The following PTPRD variants were observed in gnomAD, a reference collection of about 807,000 sequenced individuals.
The protein encoded by PTPRD is protein tyrosine phosphatase receptor type D.
Under a neutral mutation model 214.5 loss-of-function variants are expected in PTPRD, and 34 were observed. The observed-to-expected ratio is 0.16, with a 90% CI of 0.12 to 0.21. The LOEUF (loss-of-function observed/expected upper bound fraction) is 0.21, where lower values mean the gene tolerates loss of function less well. Among genes scored for constraint, PTPRD ranks in the 10% least tolerant of loss-of-function variants. The probability of loss-of-function intolerance (pLI) is 1.00; values close to 1 mark genes in which losing one functional copy is unlikely to be tolerated. For synonymous variants in PTPRD, 1,128 were observed against 845.7 expected (o/e 1.33, Z -5.79); for missense variants, 2,545 against 2,398.7 (o/e 1.06, Z -1.27).
intron 10 of PTPRD, among the ~76,000 whole-genome samples, chr9:9,165,308 C>T (rs1198623875): frequency 1.3e-5 from 2 of 152,090 alleles, no homozygotes; most frequent in African/African-American, 4.8e-5. Flanking sequence ...AGATGAATGT[C>T]AGGACTTCTT....
intron 3 of PTPRD, among the ~76,000 whole-genome samples, chr9:10,292,239 A>G (rs958392367): frequency 6.6e-6 from 1 of 152,034 alleles, no homozygotes; most frequent in South Asian, 2.1e-4. Flanking sequence ...CACTTCACCT[A>G]TAATCTGTCA....
intron 11 of PTPRD, chr9:8,858,268 C>G (rs986343936): frequency 8.5e-5 from 13 of 153,734 alleles, no homozygotes; most frequent in East Asian, 5.8e-4. Context: ...TCGGCTGCCC[C>G]CCTCGGTGCC....
At chr9:9,775,417 C>A (rs1367535469) in intron 5 of PTPRD, among the ~76,000 whole-genome samples, 2 of 152,106 alleles carry the variant, frequency 1.3e-5, no homozygotes, top group African/African-American at 4.8e-5. Context: ...AGTTATTTAA[C>A]CTGTTTGACC....
intron 5 of PTPRD, among the ~76,000 whole-genome samples, chr9:9,850,216 C>T (rs186417740): frequency 7.9e-5 from 12 of 152,206 alleles, no homozygotes; most frequent in South Asian, 2.1e-4. Context: ...AATACTGAAA[C>T]GCTAATCTTT....
At position 9,947,363 on chromosome 9, in the gene PTPRD, T is replaced by TAA. The variant is rs1566616524; in HGVS notation, c.-471-8754_-471-8753insTT. Among the ~76,000 whole-genome samples the TAA allele has an allele frequency of 1.2e-3, 50 of 43,018 alleles. 2 individuals are homozygous for TAA. In the East Asian group the frequency reaches 0.032, roughly 28 times the overall value. 28.2% of individuals were successfully genotyped at this position (43,018 alleles called of 152,430 possible). On this transcript the variant is annotated intron_variant, in intron 4 of 45. Coordinates refer to ENST00000381196, the MANE Select transcript of PTPRD (RefSeq NM_002839.4). ...ATATATATAATATATATTATATATATTATATATATATTATATATATTTTAT... is the reference window on the plus strand; with the variant it reads ...ATATATATAATATATATTATATATATAATATATATATATTATATATATTTTAT...
intron 2 of PTPRD, among the ~76,000 whole-genome samples, chr9:10,392,029 C>T (rs538807161): frequency 2.0e-5 from 3 of 151,740 alleles, no homozygotes; most frequent in Non-Finnish European, 2.9e-5. Context: ...TTCCCTACTA[C>T]GTTTTATTTT....
intron 5 of PTPRD, among the ~76,000 whole-genome samples, chr9:9,900,153 C>T (rs1320763309): frequency 2.0e-5 from 3 of 152,186 alleles, no homozygotes; most frequent in South Asian, 2.1e-4. Context: ...AACACTCCTT[C>T]CTTCCCTACC....
intron 8 of PTPRD, among the ~76,000 whole-genome samples, chr9:9,483,925 T>C (rs1376354918): frequency 6.6e-6 from 1 of 151,952 alleles, no homozygotes; most frequent in Non-Finnish European, 1.5e-5. Context: ...GTTTATGTTA[T>C]ATTATAAATG....
chr9:8,911,196 T>C lies in PTPRD; in HGVS notation c.-104+107501A>G, dbSNP rs145267860. Among the ~76,000 whole-genome samples, 249 of 152,340 alleles carry C rather than the reference T, an allele frequency of 1.6e-3. 1 individual carries two copies. Among genetic ancestry groups the C allele is most frequent in the African/African-American group, 4.9e-3 (203 of 41,580 alleles). ...CAACAAAGTTGAAGGATTTTCATTA[T>C]TGATTTAAGAACTTGCTATAAACAA... is the stretch of plus-strand genomic sequence containing the variant. On this transcript the variant is annotated intron_variant, in intron 11 of 45. Transcript: ENST00000381196.
chr9:8,887,758 T>C (rs1002586372), intron 11 of PTPRD, among the ~76,000 whole-genome samples: 2 of 152,172 alleles, frequency 1.3e-5, no homozygotes, highest in Admixed American at 6.5e-5. Flanking sequence ...AGTTTTCAAT[T>C]GTTGATATGT....
chr9:10,124,434 C>T (rs1471475136), intron 3 of PTPRD, among the ~76,000 whole-genome samples: 2 of 152,122 alleles, frequency 1.3e-5, no homozygotes, highest in African/African-American at 2.4e-5. Flanking sequence ...CATGCGTATT[C>T]ACCCCACATT....
chr9:8,391,990 G>A (rs187547058), intron 36 of PTPRD, among the ~76,000 whole-genome samples: 9 of 152,232 alleles, frequency 5.9e-5, no homozygotes, highest in Admixed American at 5.9e-4. Flanking sequence ...GGGGTAGGCT[G>A]CTACTGAATA....
At chr9:8,923,313 A>C (rs1008303411) in intron 11 of PTPRD, among the ~76,000 whole-genome samples, 1 of 152,006 alleles carries the variant, frequency 6.6e-6, no homozygotes. Context: ...AAGTGCTGGG[A>C]TTACAGGCAT....
At chr9:8,569,770 A>T (rs2090545931) in intron 14 of PTPRD, among the ~76,000 whole-genome samples, 1 of 147,950 alleles carries the variant, frequency 6.8e-6, no homozygotes, top group Non-Finnish European at 1.5e-5. Context: ...AAGTTTGTTT[A>T]TTATTTTAAG....
At chr9:9,307,934 T>C (rs1447571352) in intron 9 of PTPRD, among the ~76,000 whole-genome samples, 1 of 152,142 alleles carries the variant, frequency 6.6e-6, no homozygotes, top group Non-Finnish European at 1.5e-5. Context: ...CCCTTATGCT[T>C]GGGATAACCC....
At chr9:8,453,276 G>A (rs1034163043) in intron 33 of PTPRD, among the ~76,000 whole-genome samples, 1 of 152,152 alleles carries the variant, frequency 6.6e-6, no homozygotes, top group African/African-American at 2.4e-5. Context: ...CCATTCTCCT[G>A]CCTCAGCCTC....
At chr9:9,277,241 T>C (rs754244190) in intron 9 of PTPRD, among the ~76,000 whole-genome samples, 7 of 151,440 alleles carry the variant, frequency 4.6e-5, no homozygotes, top group African/African-American at 9.7e-5. Context: ...CCTATGTTTT[T>C]GAATATTCTT....
chr9:9,713,506 GA>G, intron 7 of PTPRD, among the ~76,000 whole-genome samples: 1 of 152,122 alleles, frequency 6.6e-6, no homozygotes, highest in Non-Finnish European at 1.5e-5. Flanking sequence ...TATAACAACA[GA>G]TTATGCCAAG....
chr9:8,813,198 A>T (rs1317334241), intron 11 of PTPRD, among the ~76,000 whole-genome samples: 1 of 152,098 alleles, frequency 6.6e-6, no homozygotes, highest in Non-Finnish European at 1.5e-5. Context: ...CCTGGAGGGT[A>T]GAATAATTAT....
Sources: allele counts gnomAD v4.1 joint callset (sites outside exome capture counted in the v4.1 genomes callset), GRCh38; gene constraint gnomAD v4.1.1; transcripts MANE v1.5; gene names NCBI Gene and HGNC (gene_info 2026-07-23, HGNC 2026-07-21).